Variants in ZMYM2 observed in about 807,000 individuals in gnomAD.
The protein encoded by ZMYM2 is zinc finger MYM-type containing 2, also known as zinc finger MYM-type protein 2.
In ZMYM2, 56 loss-of-function variants were observed where a neutral mutation model predicts 162.8. The observed-to-expected ratio is 0.34, with a 90% confidence interval of 0.28 to 0.43. The LOEUF is 0.43. Among genes scored for constraint, ZMYM2 ranks in the 20% least tolerant of loss-of-function variants. ZMYM2 has a pLI of 1.00. For missense variants in ZMYM2, 1,275 were observed against 1,621.8 expected (o/e 0.79, Z 3.67); for synonymous variants, 510 against 541.6 (o/e 0.94, Z 0.81).
At chr13:19,979,926 T>TA (rs1957163334) in intron 2 of ZMYM2, among the ~76,000 whole-genome samples, 1 of 152,204 alleles carries the variant, frequency 6.6e-6, no homozygotes, top group East Asian at 1.9e-4. Context: ...GAAGTACTTA[T>TA]ACCTAGAACT....
At chr13:20,025,205 T>G (rs926752381) in intron 7 of ZMYM2, 6 of 200,998 alleles carry the variant, frequency 3.0e-5, no homozygotes, top group Non-Finnish European at 3.1e-5. Context: ...CGAAGCCTTC[T>G]TATATTTTCA....
chr13:20,057,587 CTG>C (rs1464374340), intron 14 of ZMYM2, among the ~76,000 whole-genome samples: 6 of 152,108 alleles, frequency 3.9e-5, no homozygotes, highest in Admixed American at 2.6e-4. Flanking sequence ...TGTGCATGTG[CTG>C]TGTGAGTGCT....
At chr13:19,904,266 A>G in the ZMYM2 span, among the ~76,000 whole-genome samples, 1 of 152,128 alleles carries the variant, frequency 6.6e-6, no homozygotes, top group Non-Finnish European at 1.5e-5. Context: ...TTTAAAAAAT[A>G]ATACTGTTGG....
intron 3 of ZMYM2, among the ~76,000 whole-genome samples, chr13:19,994,208 C>T (rs1414423037): frequency 2.0e-5 from 3 of 152,216 alleles, no homozygotes; most frequent in Admixed American, 6.5e-5. Flanking sequence ...TGGCCGGGCA[C>T]GGCGGCTCAC....
Position 20,061,257 on chromosome 13 carries a change from G to A in ZMYM2, c.2911+33G>A, listed in dbSNP as rs566276700. 4.7e-4 allele frequency: 757 copies of A among 1,598,032 alleles called. 9 individuals carry two copies. In the South Asian group the frequency reaches 8.1e-3, roughly 17 times the overall value. On this transcript the variant is annotated intron_variant, in intron 17 of 24. Transcript: ENST00000610343. ...ACACTAAATTATACCTTGCGAATAA[G>A]TGTTAACATTGGTTATTTATAAGTA...
chr13:19,885,943 A>ATATATG, the ZMYM2 span, among the ~76,000 whole-genome samples: 86 of 24,412 alleles, frequency 3.5e-3, 21 homozygotes, highest in African/African-American at 0.012. Context: ...ACACATATAT[A>ATATATG]TGTATATACA....
the ZMYM2 span, among the ~76,000 whole-genome samples, chr13:19,891,880 A>G: frequency 5.9e-5 from 9 of 152,030 alleles, no homozygotes; most frequent in African/African-American, 2.2e-4. Flanking sequence ...TTATTACCAT[A>G]TTTATTTTAT....
chr13:19,937,823 G>A, the ZMYM2 span, among the ~76,000 whole-genome samples: 719 of 127,018 alleles, frequency 5.7e-3, 2 homozygotes, highest in Middle Eastern at 0.022. Context: ...GGTGTGTGAT[G>A]TTCCCCTTTC....
At chr13:19,936,672 A>G in the ZMYM2 span, among the ~76,000 whole-genome samples, 2 of 152,144 alleles carry the variant, frequency 1.3e-5, no homozygotes, top group East Asian at 1.9e-4. Context: ...CAGTGAGCTG[A>G]GATCACACCA....
the ZMYM2 span, among the ~76,000 whole-genome samples, chr13:19,925,206 T>G: frequency 6.6e-6 from 1 of 152,178 alleles, no homozygotes; most frequent in African/African-American, 2.4e-5. Context: ...TTTCATACTG[T>G]TTTCTATAGT....
chr13:20,061,368 T>TGGTTCGGCGACC, intron 17 of ZMYM2, 144 bp downstream of exon 17: 1 of 644,212 alleles, frequency 1.6e-6, no homozygotes, highest in Non-Finnish European at 2.2e-6. Context: ...GTTTTTTATA[T>TGGTTCGGCGACC]TAAGAGATCT....
At chr13:20,082,245 C>G (rs1346686083) in intron 22 of ZMYM2, 115 bp downstream of exon 22, 8 of 796,924 alleles carry the variant, frequency 1.0e-5, no homozygotes, top group Non-Finnish European at 1.6e-5. Flanking sequence ...ATTTTCTGAA[C>G]ACTTACTCGA....
chr13:19,954,493 T>A (rs1954476141), upstream of ZMYM2, among the ~76,000 whole-genome samples: 1 of 152,110 alleles, frequency 6.6e-6, no homozygotes, highest in Non-Finnish European at 1.5e-5. Context: ...AGAGGCTGTA[T>A]AATGAGGTGG....
chr13:20,082,867 C>T lies in ZMYM2; in HGVS notation c.3655C>T (p.Leu1219=). The part of the protein sequence containing the change: ...SHSPVALLNT[L]FYFNTKYFGL... Reference sequence around the variant, plus strand: ...CTCTCCAGTAGCTCTTCTGAATACACTGTTCTACTTTAACACTAAGTATTT... The same window carrying T: ...CTCTCCAGTAGCTCTTCTGAATACATTGTTCTACTTTAACACTAAGTATTT... The change falls in exon 23 of 25, where the codon CTG becomes TTG. Residue 1219 remains leucine, a synonymous_variant. Transcript: ENST00000610343. 1 of 1,613,878 alleles carries T rather than the reference C, an allele frequency of 6.2e-7. No homozygotes were observed. Among genetic ancestry groups the T allele is most frequent in the Non-Finnish European group, 8.5e-7 (1 of 1,179,858 alleles).
At chr13:20,009,149 A>G (rs898114840) in intron 6 of ZMYM2, among the ~76,000 whole-genome samples, 8 of 152,218 alleles carry the variant, frequency 5.3e-5, no homozygotes, top group Non-Finnish European at 1.0e-4. Context: ...AGCCCTATAT[A>G]AAAATGTTGA....
chr13:19,889,933 G>A, the ZMYM2 span, among the ~76,000 whole-genome samples: 8 of 151,480 alleles, frequency 5.3e-5, no homozygotes, highest in Non-Finnish European at 8.8e-5. Flanking sequence ...TCTTCTTATG[G>A]GATGCTGATA....
At chr13:19,997,595 G>A (rs369935758) in intron 3 of ZMYM2, among the ~76,000 whole-genome samples, 5 of 152,134 alleles carry the variant, frequency 3.3e-5, no homozygotes, top group African/African-American at 4.8e-5. Context: ...TTTTTAGAAA[G>A]CTCTTAGCAA....
chr13:20,039,261 ATTTC>A lies in ZMYM2; in HGVS notation c.2292+2358_2292+2361del, dbSNP rs570464342. Among the ~76,000 whole-genome samples, 485 of 151,946 alleles carry A rather than the reference ATTTC, an allele frequency of 3.2e-3. 3 individuals carry two copies. Among genetic ancestry groups the A allele is most frequent in the African/African-American group, 0.011 (463 of 41,434 alleles). On this transcript the variant is annotated intron_variant, in intron 12 of 24. Coordinates refer to ENST00000610343, the MANE Select transcript of ZMYM2 (RefSeq NM_197968.4). The stretch of plus-strand genomic sequence containing the variant: ...CTCTCTTCCTATTTGGATGCCCTTT[ATTTC>A]TTTCTCTTTCGTGATTGCTCTGGCC...
intron 2 of ZMYM2, among the ~76,000 whole-genome samples, chr13:19,962,908 G>A (rs542288076): frequency 1.4e-5 from 2 of 144,154 alleles, no homozygotes; most frequent in African/African-American, 2.5e-5. Flanking sequence ...TGCAGCCTCC[G>A]CCTCCAGGGT....
Sources: allele counts gnomAD v4.1 joint callset (sites outside exome capture counted in the v4.1 genomes callset), GRCh38; gene constraint gnomAD v4.1.1; transcripts MANE v1.5; gene names NCBI Gene and HGNC (gene_info 2026-07-23, HGNC 2026-07-21).